CEP89: variants seen among roughly 807,000 people sequenced by gnomAD.
CEP89 encodes centrosomal protein 89, also known as centrosomal protein of 89 kDa.
Under a neutral mutation model 97.6 loss-of-function variants are expected in CEP89, and 95 were observed. That is an observed-to-expected ratio of 0.97 (90% CI 0.82 to 1.15). The LOEUF (loss-of-function observed/expected upper bound fraction) is 1.15. CEP89 is among the 50% of genes most tolerant of loss of function. The probability of loss-of-function intolerance (pLI) is 0.00; values close to 1 mark genes in which losing one functional copy is unlikely to be tolerated. For missense variants in CEP89, 869 were observed against 947.7 expected, an observed-to-expected ratio of 0.92 and a Z score of 1.09; for synonymous variants, 354 against 349.1, an observed-to-expected ratio of 1.01 and a Z score of -0.16.
At chr19:32,937,198 G>C (rs1198813305) in intron 7 of CEP89, 2 of 196,758 alleles carry the variant, frequency 1.0e-5, no homozygotes, top group Admixed American at 1.2e-4. Flanking sequence ...AACCCATAAA[G>C]CATCTCTAGA....
chr19:32,916,555 G>A (rs767901003), intron 13 of CEP89, among the ~76,000 whole-genome samples: 4 of 152,018 alleles, frequency 2.6e-5, no homozygotes, highest in East Asian at 1.9e-4. Flanking sequence ...CTTCCCTTTC[G>A]TCATTAAACT....
At chr19:32,958,012 A>G (rs1971083994) in intron 3 of CEP89, among the ~76,000 whole-genome samples, 1 of 106,320 alleles carries the variant, frequency 9.4e-6, no homozygotes, top group Non-Finnish European at 1.9e-5. Flanking sequence ...AAACAAAAAA[A>G]TCCCCCCCCC....
At chr19:32,895,821 C>T (rs1969628869) in intron 16 of CEP89, among the ~76,000 whole-genome samples, 2 of 151,046 alleles carry the variant, frequency 1.3e-5, no homozygotes, top group Admixed American at 6.6e-5. Flanking sequence ...TGTTTCTATA[C>T]ACCAATAATG....
intron 12 of CEP89, among the ~76,000 whole-genome samples, chr19:32,919,866 G>A (rs1453751095): frequency 3.3e-5 from 5 of 152,102 alleles, no homozygotes; most frequent in Non-Finnish European, 5.9e-5. Flanking sequence ...GCCTAGTCTC[G>A]AACTCCTGAC....
At chr19:32,941,828 A>G (rs1970692827) in intron 5 of CEP89, among the ~76,000 whole-genome samples, 1 of 152,176 alleles carries the variant, frequency 6.6e-6, no homozygotes, top group South Asian at 2.1e-4. Flanking sequence ...CTGGGATGCG[A>G]GGGGAAAGGC....
chr19:32,932,314 C>G (rs1970493338), intron 8 of CEP89, among the ~76,000 whole-genome samples: 1 of 151,582 alleles, frequency 6.6e-6, no homozygotes, highest in African/African-American at 2.4e-5. Flanking sequence ...GGTAACAGCA[C>G]AAATAATATA....
At chr19:32,944,116 A>G (rs749592962) in intron 5 of CEP89, among the ~76,000 whole-genome samples, 1 of 150,398 alleles carries the variant, frequency 6.6e-6, no homozygotes, top group African/African-American at 2.4e-5. Context: ...AGTCCCAGCT[A>G]TTCAGGAGGC....
At chr19:32,897,309 A>C (rs1250844314) in intron 16 of CEP89, among the ~76,000 whole-genome samples, 3 of 152,184 alleles carry the variant, frequency 2.0e-5, no homozygotes, top group Admixed American at 2.0e-4. Flanking sequence ...TCCACATTGA[A>C]GATATAACAG....
Position 32,953,653 on chromosome 19 carries a change from G to T in CEP89, c.454C>A (p.His152Asn), listed in dbSNP as rs771075969. The T allele has an allele frequency of 6.2e-7, 1 of 1,613,952 alleles. No individual in the cohort carries two copies. Among genetic ancestry groups the T allele is most frequent in the Non-Finnish European group, 8.5e-7 (1 of 1,179,992 alleles). ...DVSAREDRGG[H>N]SDDLYAVPHR... The stretch of plus-strand genomic sequence containing the variant: ...GGCACAGCGTACAGGTCATCACTGT[G>T]GCCTCCTCTGTCCTCCCGGGCACTG... Residue 152 changes from histidine to asparagine, a missense_variant, in exon 4 of 19, where the codon CAC becomes AAC. By Grantham distance (68) the His-to-Asn change is moderately conservative. Transcript: ENST00000305768.
At chr19:32,967,506 GA>G (rs79937657) in intron 1 of CEP89, among the ~76,000 whole-genome samples, 19,881 of 125,900 alleles carry the variant, frequency 0.16, 1,454 homozygotes, top group South Asian at 0.3. Flanking sequence ...CACTAAAAAT[GA>G]AAAAAAAAAA....
intron 4 of CEP89, 96 bp from the exon 5 acceptor site, chr19:32,948,464 TC>T: frequency 1.5e-6 from 1 of 672,496 alleles, no homozygotes; most frequent in Non-Finnish European, 2.5e-6. Context: ...TTTCAAACCT[TC>T]CCCACTGGGA....
intron 16 of CEP89, among the ~76,000 whole-genome samples, chr19:32,892,999 A>G (rs12151320): frequency 0.098 from 14,872 of 152,210 alleles, 917 homozygotes; most frequent in Middle Eastern, 0.17. Flanking sequence ...CAACCAGAAA[A>G]CAATCAACAA....
intron 4 of CEP89, among the ~76,000 whole-genome samples, chr19:32,952,358 A>G (rs1224459698): frequency 6.7e-6 from 1 of 150,092 alleles, no homozygotes; most frequent in Non-Finnish European, 1.5e-5. Flanking sequence ...CCGCGTGCCT[A>G]AAGCCCCAGC....
chr19:32,887,446 C>T (rs747804120), intron 17 of CEP89, among the ~76,000 whole-genome samples: 2 of 151,962 alleles, frequency 1.3e-5, no homozygotes, highest in African/African-American at 4.8e-5. Context: ...CTCAAACTCT[C>T]GACCTCAAGC....
chr19:32,941,913 A>G (rs1715888484), intron 5 of CEP89, among the ~76,000 whole-genome samples: 1 of 152,240 alleles, frequency 6.6e-6, no homozygotes, highest in African/African-American at 2.4e-5. Flanking sequence ...AAGTGATACA[A>G]TAAGAAAAAA....
In CEP89 at chr19:32,960,113, G is replaced by C. The variant is rs926966715; in HGVS notation, c.147-55C>G. The C allele has an allele frequency of 7.6e-6, 12 of 1,588,600 alleles. No homozygotes were observed. The Admixed American group carries it at 2.0e-4, about 27-fold the overall frequency. ...TGAGACATGAACATTCCAGGTGAAT[G>C]CTGAACAAGGTACATAAACTCATCA... On this transcript the variant is annotated intron_variant, in intron 2 of 18. Transcript: ENST00000305768.
intron 1 of CEP89, among the ~76,000 whole-genome samples, chr19:32,967,169 C>T (rs968813665): frequency 5.9e-5 from 9 of 152,152 alleles, no homozygotes; most frequent in Non-Finnish European, 1.2e-4. Flanking sequence ...GCATTGAGCA[C>T]ATTGCCTCAC....
chr19:32,969,510 C>T (rs1971354297), intron 1 of CEP89: 1 of 152,340 alleles, frequency 6.6e-6, no homozygotes, highest in South Asian at 2.1e-4. Flanking sequence ...GACTCCCCTC[C>T]AAGATCAGAG....
intron 4 of CEP89, among the ~76,000 whole-genome samples, chr19:32,950,520 T>G (rs1466111787): frequency 1.3e-5 from 2 of 152,202 alleles, no homozygotes; most frequent in African/African-American, 4.8e-5. Context: ...ATCGTGCCAT[T>G]GCACTCCAGC....
Sources: allele counts gnomAD v4.1 joint callset (sites outside exome capture counted in the v4.1 genomes callset), GRCh38; gene constraint gnomAD v4.1.1; transcripts MANE v1.5; gene names NCBI Gene and HGNC (gene_info 2026-07-23, HGNC 2026-07-21).